SGK3: variants seen among roughly 807,000 people sequenced by gnomAD.
SGK3 encodes serum/glucocorticoid regulated kinase family member 3.
A neutral mutation model predicts 68.5 loss-of-function variants in SGK3; 47 were observed. That is an observed-to-expected ratio of 0.69 (90% CI 0.54 to 0.87). SGK3 has a LOEUF of 0.87. SGK3 is among the 40% of genes least tolerant of loss of function. SGK3 has a pLI of 0.00. For missense variants in SGK3, 479 were observed against 575.5 expected, an observed-to-expected ratio of 0.83 and a Z score of 1.72; for synonymous variants, 181 against 189.1, an observed-to-expected ratio of 0.96 and a Z score of 0.35.
At chr8:66,816,370 G>T (rs1385484818) in intron 5 of SGK3, among the ~76,000 whole-genome samples, 1 of 143,446 alleles carries the variant, frequency 7.0e-6, no homozygotes, top group Non-Finnish European at 1.5e-5. Flanking sequence ...GTGTGAGACG[G>T]AGTCTTGCTC....
intron 1 of SGK3, chr8:66,767,617 A>G (rs1806360411): frequency 1.5e-6 from 2 of 1,362,118 alleles, no homozygotes; most frequent in Non-Finnish European, 2.1e-6. Context: ...CTCTTCAGGC[A>G]GGTCAAAACT....
In SGK3 at chr8:66,838,992, A is replaced by C. The variant is rs572190266; in HGVS notation, c.742-1011A>C. Among the ~76,000 whole-genome samples, 5 of 152,212 alleles carry C rather than the reference A, an allele frequency of 3.3e-5. 1 individual carries two copies. Among genetic ancestry groups the C allele is most frequent in the Non-Finnish European group, 7.3e-5 (5 of 68,036 alleles). On this transcript the variant is annotated intron_variant, in intron 10 of 16. Transcript: ENST00000521198. ...CCTCAGCTTCCGATTTCCTGAGTCA[A>C]AATTGTTGGCTAATGTCCACATAGG...
intron 1 of SGK3, among the ~76,000 whole-genome samples, chr8:66,741,064 A>G (rs1805465334): frequency 6.6e-6 from 1 of 152,110 alleles, no homozygotes; most frequent in Non-Finnish European, 1.5e-5. Flanking sequence ...TTATTAGTTC[A>G]AGTCTAAACT....
At chr8:66,764,743 A>G (rs72652801) in intron 1 of SGK3, among the ~76,000 whole-genome samples, 1 of 152,086 alleles carries the variant, frequency 6.6e-6, no homozygotes, top group South Asian at 2.1e-4. Flanking sequence ...TCCCGTTTCT[A>G]TGGAGCTAAG....
At chr8:66,786,206 A>G (rs1033447792) in intron 1 of SGK3, among the ~76,000 whole-genome samples, 2 of 152,218 alleles carry the variant, frequency 1.3e-5, no homozygotes, top group Non-Finnish European at 2.9e-5. Flanking sequence ...ACTTAAAAAA[A>G]TTTATGAACT....
chr8:66,766,631 G>A (rs906861432), intron 1 of SGK3, among the ~76,000 whole-genome samples: 7 of 152,068 alleles, frequency 4.6e-5, no homozygotes, highest in Non-Finnish European at 8.8e-5. Flanking sequence ...TATGAAAGGG[G>A]TTTTGAAACT....
intron 1 of SGK3, among the ~76,000 whole-genome samples, chr8:66,768,562 A>G (rs1806401115): frequency 6.6e-6 from 1 of 151,576 alleles, no homozygotes; most frequent in Non-Finnish European, 1.5e-5. Context: ...TTCTTGTACT[A>G]TTTATTTATT....
intron 16 of SGK3, among the ~76,000 whole-genome samples, chr8:66,853,616 T>C (rs1038265156): frequency 3.3e-5 from 5 of 152,220 alleles, no homozygotes. Flanking sequence ...TTTACTTCAA[T>C]TATATGTGTC....
At chr8:66,801,610 G>A (rs917731467) in intron 3 of SGK3, among the ~76,000 whole-genome samples, 2 of 152,130 alleles carry the variant, frequency 1.3e-5, no homozygotes, top group South Asian at 4.2e-4. Context: ...TGACATGACT[G>A]TAGTGTCTGT....
intron 1 of SGK3, among the ~76,000 whole-genome samples, chr8:66,723,129 A>ATTTTTTT (rs1289411840): frequency 2.5e-5 from 1 of 40,614 alleles, no homozygotes; most frequent in Non-Finnish European, 4.7e-5. Context: ...ATATATATAT[A>ATTTTTTT]TATTTTTTTT....
At chr8:66,723,773 G>A (rs1352651732) in intron 1 of SGK3, among the ~76,000 whole-genome samples, 4 of 152,130 alleles carry the variant, frequency 2.6e-5, no homozygotes, top group Non-Finnish European at 5.9e-5. Flanking sequence ...TAGCTCTCAT[G>A]TTTTGTAATT....
intron 1 of SGK3, among the ~76,000 whole-genome samples, chr8:66,786,131 T>C (rs1208399664): frequency 6.6e-6 from 1 of 152,248 alleles, no homozygotes; most frequent in African/African-American, 2.4e-5. Flanking sequence ...GCTTCAGTTT[T>C]ATAGAATAAA....
chr8:66,772,670 C>T (rs764121532), intron 1 of SGK3, among the ~76,000 whole-genome samples: 1 of 151,908 alleles, frequency 6.6e-6, no homozygotes, highest in Non-Finnish European at 1.5e-5. Context: ...ACGCCATTCT[C>T]CTGCCTCAGC....
At chr8:66,847,935 G>C (rs1585809818) in intron 15 of SGK3, among the ~76,000 whole-genome samples, 1 of 132,602 alleles carries the variant, frequency 7.5e-6, no homozygotes, top group Non-Finnish European at 1.6e-5. Context: ...CTGCATGTTT[G>C]TTTCAAATAA....
At chr8:66,760,731 A>G (rs1313114637) in intron 1 of SGK3, among the ~76,000 whole-genome samples, 6 of 152,212 alleles carry the variant, frequency 3.9e-5, no homozygotes, top group Admixed American at 1.3e-4. Context: ...AGATTCTATG[A>G]AAAAGCAGCT....
rs560794837 is a variant in SGK3 at position 66,726,801 on chromosome 8, T to TAAAAAAAAAAA, written c.-122+13980_-122+13990dup. Among the ~76,000 whole-genome samples the TAAAAAAAAAAA allele has an allele frequency of 9.3e-4, 75 of 80,972 alleles. 3 individuals carry two copies. The highest frequency in any genetic ancestry group is 4.1e-3 in the African/African-American group (71 of 17,312). The allele number at this position is 80,972 out of a possible 152,430, so 53.1% of individuals were successfully genotyped here. On this transcript the variant is annotated intron_variant, in intron 1 of 16. Transcript: ENST00000521198. ...GAATGACAGAGCAAGACCCTGTCTG[T>TAAAAAAAAAAA]AAAAAAAAAAAAAAAAAAAAAAGAT...
chr8:66,813,962 T>G, intron 5 of SGK3, 34 bp downstream of exon 5: 1 of 1,523,620 alleles, frequency 6.6e-7, no homozygotes, highest in South Asian at 1.3e-5. Flanking sequence ...AAAGGGACAT[T>G]AAAACTAAAC....
At chr8:66,804,737 A>G (rs1808082585) in intron 4 of SGK3, among the ~76,000 whole-genome samples, 1 of 152,218 alleles carries the variant, frequency 6.6e-6, no homozygotes, top group African/African-American at 2.4e-5. Flanking sequence ...GACCACATAC[A>G]GATAGTAAAG....
At chr8:66,823,452 C>T (rs1347006437) in intron 6 of SGK3, among the ~76,000 whole-genome samples, 5 of 149,092 alleles carry the variant, frequency 3.4e-5, no homozygotes, top group African/African-American at 5.0e-5. Flanking sequence ...AGGCCAGAGT[C>T]AGTGGCGTGA....
Sources: allele counts gnomAD v4.1 joint callset (sites outside exome capture counted in the v4.1 genomes callset), GRCh38; gene constraint gnomAD v4.1.1; transcripts MANE v1.5; gene names NCBI Gene and HGNC (gene_info 2026-07-23, HGNC 2026-07-21).